CAMTA1: variants seen among roughly 807,000 people sequenced by gnomAD.
CAMTA1 encodes calmodulin binding transcription activator 1.
In CAMTA1, 27 loss-of-function variants were observed where a neutral mutation model predicts 170.9. That is an observed-to-expected ratio of 0.16 (90% CI 0.12 to 0.22). The LOEUF (loss-of-function observed/expected upper bound fraction) is 0.22. Ranked by LOEUF, CAMTA1 falls within the 10% of genes least tolerant of loss-of-function variation. The pLI is 1.00. For synonymous variants in CAMTA1, 833 were observed against 891.5 expected, an observed-to-expected ratio of 0.93 and a Z score of 1.17; for missense variants, 1,619 against 2,217.2, an observed-to-expected ratio of 0.73 and a Z score of 5.42.
intron 11 of CAMTA1, among the ~76,000 whole-genome samples, chr1:7,703,485 C>G (rs1460296082): frequency 6.6e-6 from 1 of 152,132 alleles, no homozygotes; most frequent in Non-Finnish European, 1.5e-5. Context: ...CAGGACCCAG[C>G]TTGGTCAGGG....
At chr1:7,536,000 C>G (rs904434115) in intron 6 of CAMTA1, among the ~76,000 whole-genome samples, 11 of 152,198 alleles carry the variant, frequency 7.2e-5, no homozygotes, top group African/African-American at 2.4e-4. Context: ...AGTTTAGGTT[C>G]CACCTGATGC....
chr1:7,446,832 T>G (rs2092693219), intron 5 of CAMTA1, among the ~76,000 whole-genome samples: 1 of 152,210 alleles, frequency 6.6e-6, no homozygotes, highest in Non-Finnish European at 1.5e-5. Flanking sequence ...CCCCTGGGGT[T>G]CTGTGGAACT....
intron 5 of CAMTA1, among the ~76,000 whole-genome samples, chr1:7,315,738 G>T (rs1677390857): frequency 6.6e-6 from 1 of 152,182 alleles, no homozygotes; most frequent in African/African-American, 2.4e-5. Context: ...CTTTAGGGGT[G>T]GATCTTTCCT....
At chr1:7,595,890 A>G (rs1557975648) in intron 6 of CAMTA1, among the ~76,000 whole-genome samples, 1 of 152,082 alleles carries the variant, frequency 6.6e-6, no homozygotes, top group African/African-American at 2.4e-5. Context: ...ACACCTCCCA[A>G]TCTAGCCAAA....
intron 2 of CAMTA1, 56 bp downstream of exon 2, chr1:6,820,306 T>C (rs1249498496): frequency 2.5e-6 from 4 of 1,592,544 alleles, no homozygotes; most frequent in Non-Finnish European, 3.4e-6. Context: ...GCAGTGGCAG[T>C]AATTATCATC....
intron 5 of CAMTA1, among the ~76,000 whole-genome samples, chr1:7,432,934 G>A (rs936823492): frequency 6.6e-6 from 1 of 152,158 alleles, no homozygotes; most frequent in Non-Finnish European, 1.5e-5. Flanking sequence ...GCCTTTCTTC[G>A]TGCATAGGTT....
intron 4 of CAMTA1, among the ~76,000 whole-genome samples, chr1:7,236,064 G>T (rs1427402616): frequency 6.6e-6 from 1 of 152,204 alleles, no homozygotes; most frequent in Non-Finnish European, 1.5e-5. Flanking sequence ...GGGCTGCGGG[G>T]TGTGGGGGAG....
chr1:7,133,325 T>C (rs1343166510), intron 4 of CAMTA1, among the ~76,000 whole-genome samples: 1 of 152,240 alleles, frequency 6.6e-6, no homozygotes, highest in Non-Finnish European at 1.5e-5. Context: ...TCGTGTCTTT[T>C]AAGGATTTGT....
chr1:7,490,849 G>T (rs1172446542), intron 6 of CAMTA1, among the ~76,000 whole-genome samples: 1 of 152,160 alleles, frequency 6.6e-6, no homozygotes. Context: ...CCTCTCTCAG[G>T]CAGGATGCTC....
intron 1 of CAMTA1, among the ~76,000 whole-genome samples, chr1:6,818,168 C>T (rs1324371792): frequency 6.6e-6 from 1 of 152,128 alleles, no homozygotes; most frequent in African/African-American, 2.4e-5. Context: ...GAAACCCCAT[C>T]TCTACTAAAA....
intron 6 of CAMTA1, among the ~76,000 whole-genome samples, chr1:7,520,540 G>A (rs571394579): frequency 7.9e-5 from 12 of 151,800 alleles, no homozygotes; most frequent in African/African-American, 2.9e-4. Flanking sequence ...CTGGCTGAGT[G>A]GGAGTGTCTC....
At chr1:6,849,256 G>A (rs1182047830) in intron 3 of CAMTA1, among the ~76,000 whole-genome samples, 1 of 152,152 alleles carries the variant, frequency 6.6e-6, no homozygotes, top group Non-Finnish European at 1.5e-5. Context: ...ATTTTCATTT[G>A]TATGGTTGAG....
intron 3 of CAMTA1, 120 bp from the exon 4 acceptor site, chr1:7,091,184 G>A: frequency 1.4e-6 from 1 of 722,572 alleles, no homozygotes; most frequent in Admixed American, 2.1e-5. Flanking sequence ...TTCTCTAGCA[G>A]GGATGGAGTT....
chr1:7,279,617 G>A (rs1457780305), intron 5 of CAMTA1, among the ~76,000 whole-genome samples: 1 of 152,200 alleles, frequency 6.6e-6, no homozygotes, highest in East Asian at 1.9e-4. Context: ...TCAGGTTTCT[G>A]CAGAGATAAC....
chr1:7,752,275 G>A (rs752185149), intron 20 of CAMTA1, among the ~76,000 whole-genome samples, 184 bp from the exon 21 acceptor site: 5 of 152,074 alleles, frequency 3.3e-5, no homozygotes, highest in Non-Finnish European at 7.4e-5. Flanking sequence ...AGTGATGCCC[G>A]GACTCGATAC....
intron 19 of CAMTA1, chr1:7,750,927 A>G: frequency 1.7e-6 from 1 of 592,652 alleles, no homozygotes; most frequent in South Asian, 1.6e-5. Flanking sequence ...GGGTATTGCT[A>G]TTAAAATTTT....
Position 7,293,044 on chromosome 1 carries a change from G to A in CAMTA1, c.438+43418G>A, listed in dbSNP as rs1043601578. Among the ~76,000 whole-genome samples, 9 of 152,152 alleles carry A rather than the reference G, an allele frequency of 5.9e-5. No homozygotes were observed. The highest frequency in any genetic ancestry group is 3.9e-4 in the Admixed American group (6 of 15,280). On this transcript the variant is annotated intron_variant, in intron 5 of 22. Transcript: ENST00000303635. The surrounding 1 kb of genome is among the most constrained non-coding windows in gnomAD (Gnocchi z 4.1). ...ACCACCCTAGGAAGTGGCAAGCTCC[G>A]GCGGGGTGTCCTACTCCCTGCTGGG...
chr1:7,212,185 C>G (rs1328870051), intron 4 of CAMTA1, among the ~76,000 whole-genome samples: 1 of 152,200 alleles, frequency 6.6e-6, no homozygotes, highest in Non-Finnish European at 1.5e-5. Flanking sequence ...TACCCCCTTT[C>G]TCTCTGGTTA....
At chr1:7,479,528 T>C (rs1353260519) in intron 6 of CAMTA1, among the ~76,000 whole-genome samples, 1 of 152,192 alleles carries the variant, frequency 6.6e-6, no homozygotes, top group Non-Finnish European at 1.5e-5. Context: ...TTAACAGAGC[T>C]GTCCTCTCAC....
Sources: allele counts gnomAD v4.1 joint callset (sites outside exome capture counted in the v4.1 genomes callset), GRCh38; gene constraint gnomAD v4.1.1; non-coding constraint Gnocchi (gnomAD v3.1); transcripts MANE v1.5; gene names NCBI Gene and HGNC (gene_info 2026-07-23, HGNC 2026-07-21).